The following GPR19 variants were observed in gnomAD, a reference collection of about 807,000 sequenced individuals.
The protein encoded by GPR19 is G protein-coupled receptor 19.
Under a neutral mutation model 28.5 loss-of-function variants are expected in GPR19, and 14 were observed. That is an observed-to-expected ratio of 0.49 (90% CI 0.32 to 0.77). The LOEUF (loss-of-function observed/expected upper bound fraction) is 0.77, where lower values mean the gene tolerates loss of function less well. GPR19 is among the 30% of genes least tolerant of loss of function. The probability of loss-of-function intolerance (pLI) is 0.03; values close to 1 mark genes in which losing one functional copy is unlikely to be tolerated. For synonymous variants in GPR19, 173 were observed against 184.1 expected (o/e 0.94, Z 0.49); for missense variants, 409 against 504.1 (o/e 0.81, Z 1.81).
intron 2 of GPR19, among the ~76,000 whole-genome samples, chr12:12,692,071 C>T (rs1946188782): frequency 6.6e-6 from 1 of 152,186 alleles, no homozygotes; most frequent in Non-Finnish European, 1.5e-5. Flanking sequence ...TCTTGCCCCT[C>T]CTAGTTTCTG....
chr12:12,696,709 C>T (rs1946267850), upstream of GPR19, among the ~76,000 whole-genome samples: 1 of 152,266 alleles, frequency 6.6e-6, no homozygotes. Flanking sequence ...GTTTGTTTAC[C>T]AGTCCAGGCG....
In GPR19 at chr12:12,668,679, G is replaced by GAAAA. The variant is rs10666505; in HGVS notation, c.-22-6213_-22-6210dup. ...TATTGATTTTTTACATGATTTGGTT[G>GAAAA]AAAAAAAAAAACAGAAACATTTTCT... On this transcript the variant is annotated intron_variant, in intron 3 of 3. Transcript: ENST00000651487. 6.5e-3 allele frequency among the ~76,000 whole-genome samples: 960 copies of GAAAA among 147,144 alleles called. 7 individuals carry two copies. Among genetic ancestry groups the GAAAA allele is most frequent in the Middle Eastern group, 0.014 (4 of 282 alleles).
upstream of GPR19, among the ~76,000 whole-genome samples, chr12:12,696,445 A>G (rs1946264256): frequency 6.7e-6 from 1 of 150,214 alleles, no homozygotes; most frequent in Non-Finnish European, 1.5e-5. Flanking sequence ...TTAGGCTAAT[A>G]TAACTAGCCG....
intron 3 of GPR19, among the ~76,000 whole-genome samples, chr12:12,682,178 G>T (rs1247876055): frequency 6.6e-6 from 1 of 152,172 alleles, no homozygotes; most frequent in Non-Finnish European, 1.5e-5. Flanking sequence ...CTTCCATTTA[G>T]ATATGAATGA....
chr12:12,694,188 CTTTTTTTTTTTTTTTTT>C lies in GPR19; in HGVS notation c.-180+1254_-180+1270del, dbSNP rs147543699. 5.2e-4 allele frequency among the ~76,000 whole-genome samples: 23 copies of C among 43,852 alleles called. No homozygotes were observed. The South Asian group carries it at 0.014, about 26-fold the overall frequency. The allele number at this position is 43,852 out of a possible 152,430, so 28.8% of individuals were successfully genotyped here. On this transcript the variant is annotated intron_variant, in intron 2 of 3. Coordinates refer to ENST00000651487, the MANE Select transcript of GPR19 (RefSeq NM_006143.3). ...TGTGTGGGCATGGTAGAGTACCTGT[CTTTTTTTTTTTTTTTTT>C]TTTTTTTTTTTGAGACGGAGTCTCG...
At chr12:12,666,617 C>T (rs1164901431) in intron 3 of GPR19, among the ~76,000 whole-genome samples, 1 of 152,218 alleles carries the variant, frequency 6.6e-6, no homozygotes, top group African/African-American at 2.4e-5. Context: ...AAACTGTGGA[C>T]TCCAGTAGGG....
intron 3 of GPR19, among the ~76,000 whole-genome samples, chr12:12,662,702 G>T (rs1945698402): frequency 1.3e-5 from 2 of 152,144 alleles, no homozygotes; most frequent in South Asian, 2.1e-4. Context: ...GCTCTCTCTG[G>T]CCTCACCTTC....
At chr12:12,694,477 A>C (rs947239253) in intron 2 of GPR19, among the ~76,000 whole-genome samples, 2 of 151,500 alleles carry the variant, frequency 1.3e-5, no homozygotes, top group Non-Finnish European at 2.9e-5. Context: ...AAGTGCTGAG[A>C]TTACAGGCGT....
chr12:12,697,258 G>T (rs1365776663), upstream of GPR19, among the ~76,000 whole-genome samples: 5 of 143,506 alleles, frequency 3.5e-5, no homozygotes, highest in South Asian at 2.4e-4. Flanking sequence ...ACAAATTTTT[G>T]AAATGGTTTG....
the GPR19 span, among the ~76,000 whole-genome samples, chr12:12,704,686 AGTTGTGG>A: frequency 6.6e-6 from 1 of 152,206 alleles, no homozygotes; most frequent in Non-Finnish European, 1.5e-5. Context: ...TTATAAATAC[AGTTGTGG>A]TTTGGAATAG....
intron 3 of GPR19, among the ~76,000 whole-genome samples, chr12:12,668,690 A>AAC (rs60954400): frequency 1.1e-3 from 162 of 151,728 alleles, no homozygotes; most frequent in African/African-American, 3.9e-3. Flanking sequence ...AAAAAAAAAA[A>AAC]CAGAAACATT....
the GPR19 span, among the ~76,000 whole-genome samples, chr12:12,706,097 G>A: frequency 6.6e-6 from 1 of 152,212 alleles, no homozygotes; most frequent in Non-Finnish European, 1.5e-5. Flanking sequence ...TGGGTACACA[G>A]CATGCATAAC....
chr12:12,704,864 C>T, the GPR19 span, among the ~76,000 whole-genome samples: 1 of 152,064 alleles, frequency 6.6e-6, no homozygotes, highest in South Asian at 2.1e-4. Flanking sequence ...GGCCACAGAG[C>T]GCCTAACTAT....
At chr12:12,664,237 G>C (rs868219322) in intron 3 of GPR19, among the ~76,000 whole-genome samples, 5 of 152,110 alleles carry the variant, frequency 3.3e-5, no homozygotes, top group African/African-American at 4.8e-5. Context: ...TGATTCGCCC[G>C]CCTTGGCCTC....
chr12:12,686,169 A>C (rs1256641684), intron 2 of GPR19, among the ~76,000 whole-genome samples: 1 of 152,234 alleles, frequency 6.6e-6, no homozygotes, highest in Admixed American at 6.5e-5. Flanking sequence ...ATTTTTTGAA[A>C]GACGAATGCT....
the GPR19 span, among the ~76,000 whole-genome samples, chr12:12,715,321 AC>A: frequency 6.6e-6 from 1 of 152,218 alleles, no homozygotes; most frequent in Non-Finnish European, 1.5e-5. Flanking sequence ...CAATAAATTG[AC>A]AGCCTTAAAA....
the GPR19 span, among the ~76,000 whole-genome samples, chr12:12,705,332 G>A: frequency 1.3e-5 from 2 of 151,950 alleles, no homozygotes; most frequent in Non-Finnish European, 2.9e-5. Context: ...AAAAAAAATT[G>A]CTGAGAATTT....
chr12:12,677,305 G>C (rs1945946498), intron 3 of GPR19, among the ~76,000 whole-genome samples: 1 of 150,484 alleles, frequency 6.6e-6, no homozygotes, highest in African/African-American at 2.4e-5. Flanking sequence ...CTCCTAGGTT[G>C]AAGCGATTCT....
chr12:12,695,229 C>A (rs182141875), intron 2 of GPR19, among the ~76,000 whole-genome samples: 2 of 152,310 alleles, frequency 1.3e-5, no homozygotes, highest in Admixed American at 6.5e-5. Context: ...AGAATTGCTG[C>A]CGATATCAAG....
Sources: allele counts gnomAD v4.1 joint callset (sites outside exome capture counted in the v4.1 genomes callset), GRCh38; gene constraint gnomAD v4.1.1; transcripts MANE v1.5; gene names NCBI Gene and HGNC (gene_info 2026-07-23, HGNC 2026-07-21).